Variants in ERI1 observed in about 807,000 individuals in gnomAD.
ERI1 encodes the protein 3'-5' exoribonuclease 1.
ERI1 carries 39 observed loss-of-function variants against 39.7 expected under a neutral mutation model. That is an observed-to-expected ratio of 0.98 (90% CI 0.76 to 1.28). The LOEUF is 1.28. ERI1 is among the 50% of genes most tolerant of loss of function. The pLI is 0.00. For missense variants in ERI1, 581 were observed against 416.9 expected (o/e 1.39, Z -3.43); for synonymous variants, 204 against 149.6 (o/e 1.36, Z -2.65).
intron 6 of ERI1, among the ~76,000 whole-genome samples, chr8:9,026,353 C>G (rs1396340578): frequency 6.6e-6 from 1 of 152,156 alleles, no homozygotes; most frequent in Non-Finnish European, 1.5e-5. Flanking sequence ...CTCCAGAACT[C>G]TCATATTCCA....
chr8:9,058,154 G>A lies in ERI1; in HGVS notation n.299+37690G>A, dbSNP rs181611036. 6.5e-4 allele frequency among the ~76,000 whole-genome samples: 99 copies of A among 152,298 alleles called. 1 individual carries two copies. The East Asian group carries it at 0.01, about 16-fold the overall frequency. ...AAAGGCAGGAGCTGGAGGAGAGGGC[G>A]GAGCAGACAGACTGCTGCAAATTAC... On this transcript the variant is annotated intron_variant and non_coding_transcript_variant, in intron 3 of 3. Transcript: ENST00000518663.
chr8:9,034,088 T>C (rs1429205878), downstream of ERI1, among the ~76,000 whole-genome samples: 1 of 152,254 alleles, frequency 6.6e-6, no homozygotes, highest in Non-Finnish European at 1.5e-5. Context: ...GTCTTGAGTT[T>C]ATAATGACAC....
chr8:9,018,348 G>T lies in ERI1; in HGVS notation c.634G>T (p.Asp212Tyr). The T allele has an allele frequency of 6.2e-7, 1 of 1,612,506 alleles. No homozygotes were observed. Among genetic ancestry groups the T allele is most frequent in the Non-Finnish European group, 8.5e-7 (1 of 1,178,778 alleles). ...TFPQVLKKVI[D>Y]WMKLKELGTK... The stretch of plus-strand genomic sequence containing the variant: ...CCCTCAGGTACTAAAAAAAGTAATT[G>T]ACTGGATGAAATTGAAGGAATTAGG... The change falls in exon 5 of 7, where the codon GAC (aspartate) becomes TAC (tyrosine). Residue 212 changes from aspartate (D) to tyrosine (Y), a missense_variant. By Grantham distance (160) the Asp-to-Tyr change is radical. Coordinates refer to ENST00000250263, the MANE Select transcript of ERI1 (RefSeq NM_153332.4).
rs1259782928 is a variant in ERI1 at position 9,031,486 on chromosome 8, A to T, written c.*1452A>T. 1 of 152,244 alleles carries T rather than the reference A, an allele frequency of 6.6e-6. No individual in the cohort carries two copies. Among genetic ancestry groups the T allele is most frequent in the Non-Finnish European group, 1.5e-5 (1 of 68,048 alleles). The allele number at this position is 152,244 out of a possible 1,614,324, so 9.4% of individuals were successfully genotyped here. ...AAGGAAATCTAAGTGCTTTAAGTTT[A>T]TACAGTTAACTCTTAGGATAAGAGG... On this transcript the variant is annotated 3_prime_UTR_variant, in exon 7 of 7. Coordinates refer to ENST00000250263, the MANE Select transcript of ERI1 (RefSeq NM_153332.4).
At chr8:9,035,744 A>G (rs1489816321), downstream of ERI1, among the ~76,000 whole-genome samples, 2 of 152,208 alleles carry the variant, frequency 1.3e-5, no homozygotes, top group African/African-American at 4.8e-5. Flanking sequence ...TAATAAATAC[A>G]TTTCATAAGG....
chr8:9,043,163 C>T lies in ERI1; in HGVS notation n.299+22699C>T, dbSNP rs577217005. Among the ~76,000 whole-genome samples the T allele has an allele frequency of 3.0e-4, 45 of 152,312 alleles. 2 individuals are homozygous for T. The South Asian group carries it at 8.3e-3, about 28-fold the overall frequency. ...TTTTTAAGGTGTTATTCTACTTCTTCGTGTATAATTGATGCAAACCATTTC... is the reference window on the plus strand; with the variant it reads ...TTTTTAAGGTGTTATTCTACTTCTTTGTGTATAATTGATGCAAACCATTTC... On this transcript the variant is annotated intron_variant and non_coding_transcript_variant, in intron 3 of 3. Coordinates refer to the ERI1 transcript ENST00000518663.
intron 3 of ERI1, among the ~76,000 whole-genome samples, chr8:9,081,703 T>TTTTGTTTGTTTGTTTG (rs10701232): frequency 1.4e-5 from 2 of 142,616 alleles, no homozygotes; most frequent in Non-Finnish European, 3.1e-5. Context: ...TTTTTTTGGT[T>TTTTGTTTGTTTGTTTG]TTTGTTTGTT....
At chr8:9,039,413 T>TTGTGACTTTGTCACAAC (rs1166670228) in intron 3 of ERI1, among the ~76,000 whole-genome samples, 3 of 152,142 alleles carry the variant, frequency 2.0e-5, no homozygotes, top group Non-Finnish European at 4.4e-5. Flanking sequence ...CAGAAAAAGG[T>TTGTGACTTTGTCACAAC]CTGGCTTGAA....
rs1361647482 is a variant in ERI1 at position 9,029,893 on chromosome 8, C to T, written c.909C>T (p.Ala303=). 1 of 1,614,090 alleles carries T rather than the reference C, an allele frequency of 6.2e-7. No individual in the cohort carries two copies. Among genetic ancestry groups the T allele is most frequent in the East Asian group, 2.2e-5 (1 of 44,878 alleles). ...GTCTTGATGACTCTAAGAATATCGC[C>T]CGAATAGCAGTTCGAATGCTTCAGG... is the stretch of plus-strand genomic sequence containing the variant. ...HCGLDDSKNI[A]RIAVRMLQDG... is the part of the protein sequence containing the mutation. Residue 303 remains alanine, a synonymous_variant, in exon 7 of 7, where the codon GCC becomes GCT. Transcript: ENST00000250263.
intron 1 of ERI1, among the ~76,000 whole-genome samples, chr8:9,005,859 A>G (rs1490706842): frequency 6.6e-6 from 1 of 152,234 alleles, no homozygotes; most frequent in African/African-American, 2.4e-5. Context: ...GAAGATTTTC[A>G]TGGCCACATC....
intron 3 of ERI1, among the ~76,000 whole-genome samples, chr8:9,087,012 C>T (rs1348450166): frequency 6.6e-6 from 1 of 151,892 alleles, no homozygotes; most frequent in Admixed American, 6.6e-5. Context: ...CTCCTTCTCA[C>T]CTTCTCATCT....
chr8:9,025,546 C>T (rs1255954253), intron 6 of ERI1, among the ~76,000 whole-genome samples: 2 of 152,200 alleles, frequency 1.3e-5, no homozygotes, highest in East Asian at 1.9e-4. Flanking sequence ...GAGAACTTTT[C>T]CTTGCTAAGC....
intron 3 of ERI1, among the ~76,000 whole-genome samples, chr8:9,065,849 G>T (rs752213162): frequency 6.6e-6 from 1 of 152,086 alleles, no homozygotes; most frequent in Non-Finnish European, 1.5e-5. Flanking sequence ...TTCCTCTCCT[G>T]TTGCAAACTC....
At chr8:9,041,897 G>A (rs1436808632) in intron 3 of ERI1, among the ~76,000 whole-genome samples, 1 of 152,132 alleles carries the variant, frequency 6.6e-6, no homozygotes, top group Non-Finnish European at 1.5e-5. Context: ...ACCACGCCCA[G>A]CTGATTTTGT....
At chr8:9,096,220 C>G (rs1202123735) in intron 3 of ERI1, among the ~76,000 whole-genome samples, 1 of 152,172 alleles carries the variant, frequency 6.6e-6, no homozygotes, top group Non-Finnish European at 1.5e-5. Flanking sequence ...TTTTCAGTTG[C>G]TTTGCTTCCT....
chr8:9,075,190 C>G lies in ERI1; in HGVS notation n.300-41158C>G, dbSNP rs894308915. On this transcript the variant is annotated intron_variant and non_coding_transcript_variant, in intron 3 of 3. Coordinates refer to the ERI1 transcript ENST00000518663. The stretch of plus-strand genomic sequence containing the variant: ...ACACCAAGCAACACAGAAGAAAAGT[C>G]TTATCAAACCAAAACATCTTATCAG... 3.9e-5 allele frequency among the ~76,000 whole-genome samples: 6 copies of G among 152,326 alleles called. No individual in the cohort carries two copies. In the East Asian group the frequency reaches 1.2e-3, roughly 29 times the overall value.
intron 3 of ERI1, among the ~76,000 whole-genome samples, chr8:9,077,919 C>T (rs751914604): frequency 6.6e-5 from 10 of 152,296 alleles, no homozygotes; most frequent in South Asian, 6.2e-4. Flanking sequence ...CAGGGGAATG[C>T]GCTGCTTTCT....
intron 3 of ERI1, among the ~76,000 whole-genome samples, chr8:9,012,137 A>G (rs939475055): frequency 1.3e-5 from 2 of 152,186 alleles, no homozygotes; most frequent in South Asian, 2.1e-4. Context: ...GAAGCTTTTC[A>G]GTTGGTTTTA....
chr8:9,027,272 G>T (rs752390672), intron 6 of ERI1, among the ~76,000 whole-genome samples: 8 of 151,844 alleles, frequency 5.3e-5, no homozygotes, highest in South Asian at 2.1e-4. Flanking sequence ...CTTTTCATGT[G>T]ATTTTTAGCC....
Sources: gnomAD v4.1 joint callset for allele counts (sites outside exome capture counted in the v4.1 genomes callset) on GRCh38, gnomAD v4.1.1 for gene constraint, MANE v1.5 for transcripts, NCBI Gene and HGNC (gene_info 2026-07-23, HGNC 2026-07-21) for gene names.